ZNF131: variants seen among roughly 807,000 people sequenced by gnomAD.
ZNF131 encodes the protein zinc finger protein 131.
Under a neutral mutation model 60.0 loss-of-function variants are expected in ZNF131, and 7 were observed. That is an observed-to-expected ratio of 0.12 (90% CI 0.07 to 0.22). ZNF131 has a LOEUF of 0.22. Ranked by LOEUF, ZNF131 falls within the 10% of genes least tolerant of loss-of-function variation. The pLI, the probability that ZNF131 is intolerant of heterozygous loss-of-function variation, is 1.00. For missense variants in ZNF131, 493 were observed against 740.9 expected, an observed-to-expected ratio of 0.67 and a Z score of 3.88; for synonymous variants, 257 against 253.2, an observed-to-expected ratio of 1.01 and a Z score of -0.14.
chr5:43,128,467 G>C (rs1744844315), intron 3 of ZNF131, among the ~76,000 whole-genome samples: 1 of 151,798 alleles, frequency 6.6e-6, no homozygotes, highest in Non-Finnish European at 1.5e-5. Context: ...CATCCTGGCT[G>C]ACAGAGTGAA....
chr5:43,168,708 G>A (rs1055102253), intron 5 of ZNF131, among the ~76,000 whole-genome samples: 3 of 152,168 alleles, frequency 2.0e-5, no homozygotes, highest in African/African-American at 7.2e-5. Context: ...AGATAGATTG[G>A]AGTGGGTTGA....
At position 43,174,982 on chromosome 5, in the gene ZNF131, A is replaced by G. The variant is rs536954673; in HGVS notation, c.1721A>G (p.Gln574Arg). The G allele has an allele frequency of 1.2e-6, 2 of 1,614,168 alleles. No homozygotes were observed. The highest frequency in any genetic ancestry group is 4.5e-5 in the East Asian group (2 of 44,882). Residue 574 changes from glutamine (Q) to arginine (R), a missense_variant, in exon 7 of 7, where the codon CAA becomes CGA. Physicochemically the swap from Gln to Arg is conservative, Grantham distance 43 (BLOSUM62 1). Around this residue, in one of 7 missense-constraint regions of ZNF131, gnomAD observed 202 missense variants for 221.3 expected, o/e 0.91. Coordinates refer to ENST00000682664, the MANE Select transcript of ZNF131 (RefSeq NM_001330707.2). Reference sequence around the variant, plus strand: ...CACGTGACCCCAGAAATCATGAACCAAGAGGAGAGAGAGTCTAGCCAAGCA... The same window carrying G: ...CACGTGACCCCAGAAATCATGAACCGAGAGGAGAGAGAGTCTAGCCAAGCA... The part of the protein sequence containing the change: ...LDHVTPEIMN[Q>R]EERESSQADA...
intron 3 of ZNF131, among the ~76,000 whole-genome samples, chr5:43,134,356 G>C (rs932230082): frequency 5.3e-5 from 8 of 152,112 alleles, no homozygotes; most frequent in Non-Finnish European, 2.9e-5. Flanking sequence ...AACAAACGAG[G>C]AATAGAAGGA....
chr5:43,142,372 G>A (rs1038804353), intron 4 of ZNF131, among the ~76,000 whole-genome samples: 2 of 135,066 alleles, frequency 1.5e-5, no homozygotes, highest in East Asian at 2.7e-4. Flanking sequence ...GTGAGATCTC[G>A]GCTCACTGCA....
chr5:43,127,559 G>A (rs368487468), intron 3 of ZNF131, among the ~76,000 whole-genome samples: 55 of 152,298 alleles, frequency 3.6e-4, no homozygotes, highest in African/African-American at 1.3e-3. Flanking sequence ...CTGTCTTAGA[G>A]GATTGCGTAA....
intron 4 of ZNF131, among the ~76,000 whole-genome samples, chr5:43,151,358 C>T (rs925410506): frequency 3.3e-5 from 5 of 152,172 alleles, no homozygotes; most frequent in African/African-American, 9.7e-5. Flanking sequence ...CACAGTCACC[C>T]GAGGGCTGCT....
chr5:43,174,603 C>T lies in ZNF131; in HGVS notation c.1342C>T (p.Arg448Cys), dbSNP rs752747325. Residue 448 changes from arginine to cysteine, a missense_variant, in exon 7 of 7, where the codon CGT becomes TGT. This residue lies in a region of ZNF131 where 202 missense variants were observed against 221.3 expected (regional missense o/e 0.91). Transcript: ENST00000682664. ...HLSDAHNISERLVTEEVLSVE... is the reference protein window; with the variant it reads ...HLSDAHNISECLVTEEVLSVE... The stretch of plus-strand genomic sequence containing the variant: ...CAGTGATGCTCACAATATTTCAGAG[C>T]GTCTAGTAACGGAAGAAGTTCTTTC... 6.2e-6 allele frequency: 10 copies of T among 1,613,332 alleles called. No homozygotes were observed. Among genetic ancestry groups the T allele is most frequent in the Admixed American group, 3.3e-5 (2 of 59,916 alleles).
chr5:43,170,955 AT>A (rs1172588023), intron 5 of ZNF131, among the ~76,000 whole-genome samples: 4 of 130,816 alleles, frequency 3.1e-5, no homozygotes, highest in Non-Finnish European at 4.9e-5. Flanking sequence ...TTTTTTTTAA[AT>A]TTTTTTGAGA....
intron 4 of ZNF131, among the ~76,000 whole-genome samples, chr5:43,159,093 A>G (rs1398555638): frequency 6.6e-6 from 1 of 152,158 alleles, no homozygotes; most frequent in East Asian, 1.9e-4. Context: ...AGAGTGGCCC[A>G]GGTGAATGCA....
intron 3 of ZNF131, among the ~76,000 whole-genome samples, chr5:43,129,895 A>G (rs1745076187): frequency 6.6e-6 from 1 of 151,754 alleles, no homozygotes; most frequent in African/African-American, 2.4e-5. Flanking sequence ...TGACCTCGTG[A>G]TCTGCCTGCC....
chr5:43,131,960 G>A (rs1349401787), intron 3 of ZNF131, among the ~76,000 whole-genome samples: 2 of 152,096 alleles, frequency 1.3e-5, no homozygotes, highest in Non-Finnish European at 2.9e-5. Flanking sequence ...CTTTGTCATA[G>A]ACTTAGGAGT....
intron 3 of ZNF131, among the ~76,000 whole-genome samples, chr5:43,135,562 A>AACATGGTG (rs948885284): frequency 4.7e-5 from 7 of 149,798 alleles, no homozygotes; most frequent in South Asian, 2.1e-4. Flanking sequence ...CAGCCTGAAC[A>AACATGGTG]ACATGGTGAA....
Position 43,153,287 on chromosome 5 carries a change from G to C in ZNF131, c.372-7962G>C, listed in dbSNP as rs111557986. ...AGGCTGTCACCTTTAAGAGGTACCA[G>C]GCTATTCCAGGATTATTGTTGGGGG... On this transcript the variant is annotated intron_variant, in intron 4 of 6. Coordinates refer to ENST00000682664, the MANE Select transcript of ZNF131 (RefSeq NM_001330707.2). 7.8e-3 allele frequency among the ~76,000 whole-genome samples: 1,184 copies of C among 152,102 alleles called. 16 individuals carry two copies. The highest frequency in any genetic ancestry group is 0.027 in the African/African-American group (1,132 of 41,488).
intron 5 of ZNF131, among the ~76,000 whole-genome samples, chr5:43,171,243 T>C (rs1300374894): frequency 1.3e-5 from 2 of 152,096 alleles, no homozygotes; most frequent in Non-Finnish European, 2.9e-5. Context: ...CCACCGCACC[T>C]GGTCTGTCCC....
intron 5 of ZNF131, among the ~76,000 whole-genome samples, chr5:43,170,664 A>T (rs1231374534): frequency 1.4e-5 from 2 of 140,682 alleles, no homozygotes; most frequent in Non-Finnish European, 3.0e-5. Flanking sequence ...ACGGAGTCTC[A>T]CTCGGTCACC....
chr5:43,125,551 C>CA (rs1744428547), intron 3 of ZNF131, among the ~76,000 whole-genome samples: 1 of 151,906 alleles, frequency 6.6e-6, no homozygotes, highest in Admixed American at 6.5e-5. Flanking sequence ...GAGGCCGAGG[C>CA]AGGCAGATCA....
chr5:43,122,143 G>A lies in ZNF131; in HGVS notation c.90G>A (p.Gln30=). Reference sequence around the variant, plus strand: ...ACCGATTGAATGAACAGCGAGAGCAGGACCGGTTTACTGACATCACCCTAA... The same window carrying A: ...ACCGATTGAATGAACAGCGAGAGCAAGACCGGTTTACTGACATCACCCTAA... ...ILDRLNEQRE[Q]DRFTDITLIV... Residue 30 remains glutamine, a synonymous_variant, in exon 2 of 7, where the codon CAG becomes CAA. Coordinates refer to ENST00000682664, the MANE Select transcript of ZNF131 (RefSeq NM_001330707.2). The A allele has an allele frequency of 1.2e-6, 2 of 1,613,984 alleles. No homozygotes were observed. Among genetic ancestry groups the A allele is most frequent in the Non-Finnish European group, 1.7e-6 (2 of 1,179,986 alleles).
At position 43,125,570 on chromosome 5, in the gene ZNF131, C is replaced by T. The variant is rs1022182996; in HGVS notation, c.226+2260C>T. Among the ~76,000 whole-genome samples the T allele has an allele frequency of 2.6e-5, 4 of 151,882 alleles. No individual in the cohort carries two copies. In the East Asian group the frequency reaches 7.9e-4, roughly 30 times the overall value. On this transcript the variant is annotated intron_variant, in intron 3 of 6. Coordinates refer to ENST00000682664, the MANE Select transcript of ZNF131 (RefSeq NM_001330707.2). ...CCGAGGCAGGCAGATCACCTGAGGTCGAGAGGTCGAGACCAGCCTGACCAA... is the reference window on the plus strand; with the variant it reads ...CCGAGGCAGGCAGATCACCTGAGGTTGAGAGGTCGAGACCAGCCTGACCAA...
chr5:43,135,815 A>T (rs574700402), intron 3 of ZNF131, among the ~76,000 whole-genome samples: 1 of 150,632 alleles, frequency 6.6e-6, no homozygotes, highest in Non-Finnish European at 1.5e-5. Context: ...GAGCATCTCA[A>T]ATTTGAAAAT....
Sources: gnomAD v4.1 joint callset for allele counts (sites outside exome capture counted in the v4.1 genomes callset) on GRCh38, gnomAD v4.1.1 for gene constraint, gnomAD v4.1.1 regional missense constraint, MANE v1.5 for transcripts, NCBI Gene and HGNC (gene_info 2026-07-23, HGNC 2026-07-21) for gene names.